Variants in MYL5 observed in about 807,000 individuals in gnomAD.
MYL5 encodes myosin light chain 5, also known as myosin regulatory light chain 5.
Under a neutral mutation model 20.8 loss-of-function variants are expected in MYL5, and 28 were observed. That is an observed-to-expected ratio of 1.35 (90% CI 1.00 to 1.84). The LOEUF is 1.84. Among genes scored for constraint, MYL5 ranks in the 40% most tolerant of loss-of-function variants. The pLI is 0.00. For synonymous variants in MYL5, 118 were observed against 87.4 expected (o/e 1.35, Z -1.95); for missense variants, 274 against 227.3 (o/e 1.21, Z -1.32).
chr4:678,004 C>T (rs977122494), exon 1 of MYL5: 7 of 1,613,444 alleles, frequency 4.3e-6, no homozygotes, highest in African/African-American at 2.7e-5. Flanking sequence ...TGGGCAGACG[C>T]ATCAAAGCAG....
chr4:681,770 C>G lies in MYL5; in HGVS notation c.421-123C>G, dbSNP rs1183166351. 1.5e-5 allele frequency: 18 copies of G among 1,208,986 alleles called. No homozygotes were observed. In the Admixed American group the frequency reaches 2.7e-4, roughly 18 times the overall value. 74.9% of individuals were successfully genotyped at this position (1,208,986 alleles called of 1,614,324 possible). On this transcript the variant is annotated intron_variant, in intron 6 of 6. Coordinates refer to ENST00000400159, the Ensembl canonical transcript of MYL5. ...GCCCCCTCCAGCGCCGCCCTCACCCCGCACCCGGGCCCCTCCCCGCTCCCC... is the reference window on the plus strand; with the variant it reads ...GCCCCCTCCAGCGCCGCCCTCACCCGGCACCCGGGCCCCTCCCCGCTCCCC...
At chr4:680,553 G>C (rs1475410723) in exon 5 of MYL5, 2 of 1,613,582 alleles carry the variant, frequency 1.2e-6, no homozygotes, top group African/African-American at 1.3e-5. Context: ...CAAGATGCTG[G>C]ACCCGGACGG....
rs72613110 is a variant in MYL5 at position 678,328 on chromosome 4, G to T, written c.3+299G>T. On this transcript the variant is annotated intron_variant, in intron 1 of 6. Coordinates refer to ENST00000400159, the Ensembl canonical transcript of MYL5. ...CACAAAATCCCGGTACCCAGAACAAGCCCACCCAGAGTCCACTTGCCCCTC... is the reference window on the plus strand; with the variant it reads ...CACAAAATCCCGGTACCCAGAACAATCCCACCCAGAGTCCACTTGCCCCTC... 27,496 of 1,420,956 alleles carry T rather than the reference G, an allele frequency of 0.019. 1,506 individuals carry two copies. In the East Asian group the frequency reaches 0.23, roughly 12 times the overall value. 88.0% of individuals were successfully genotyped at this position (1,420,956 alleles called of 1,614,324 possible). A position where few individuals can be genotyped will look rare whatever the true frequency, so the allele number is the denominator to read the frequency against.
At chr4:680,953 C>A in intron 5 of MYL5, 139 bp from the exon 8 acceptor site, 1 of 975,952 alleles carries the variant, frequency 1.0e-6, no homozygotes. Flanking sequence ...AAGGGACCTG[C>A]CCCAGGGCCA....
upstream of MYL5, chr4:674,557 T>A: frequency 2.2e-6 from 1 of 460,888 alleles, no homozygotes; most frequent in Non-Finnish European, 3.9e-6. Flanking sequence ...CCCGCAGGGC[T>A]GGGGGTCCGC....
At chr4:678,326 A>G in intron 1 of MYL5, 1 of 1,420,724 alleles carries the variant, frequency 7.0e-7, no homozygotes. Context: ...TACCCAGAAC[A>G]AGCCCACCCA....
At chr4:676,970 A>G (rs2109320025), upstream of MYL5, 1 of 975,468 alleles carries the variant, frequency 1.0e-6, no homozygotes, top group Non-Finnish European at 1.2e-6. Flanking sequence ...TGTGTCCCTC[A>G]GGGGGTAGGA....
At chr4:681,406 GCGGGGCTCACAGCTGTGCGGTC>G (rs1248887396) in intron 6 of MYL5, among the ~76,000 whole-genome samples, 3 of 152,030 alleles carry the variant, frequency 2.0e-5, no homozygotes, top group African/African-American at 7.2e-5. Context: ...AGCCGGAGGG[GCGGGGCTCACAGCTGTGCGGTC>G]CGGAGCCGCC....
chr4:681,240 G>C, intron 6 of MYL5, 100 bp downstream of exon 8: 1 of 1,428,494 alleles, frequency 7.0e-7, no homozygotes, highest in Non-Finnish European at 9.5e-7. Flanking sequence ...GCAGCGCCGC[G>C]GTTAGGACCC....
intron 5 of MYL5, chr4:680,802 G>A (rs944827617): frequency 4.7e-6 from 3 of 640,436 alleles, no homozygotes; most frequent in African/African-American, 1.8e-5. Context: ...GGGGTGGGGC[G>A]GCTTCCCCTC....
At chr4:681,749 C>T (rs1013192335) in intron 6 of MYL5, 144 bp from the exon 9 acceptor site, 2 of 1,031,530 alleles carry the variant, frequency 1.9e-6, no homozygotes, top group African/African-American at 3.7e-5. Context: ...CGCCCCGCCC[C>T]CTCCAGCGCC....
chr4:676,483 C>T (rs1489486198), upstream of MYL5: 1 of 152,236 alleles, frequency 6.6e-6, no homozygotes, highest in Non-Finnish European at 1.5e-5. Context: ...ACGGGTCCCA[C>T]CTGGCTCAGC....
At chr4:681,387 G>A (rs1739495080) in intron 6 of MYL5, among the ~76,000 whole-genome samples, 1 of 151,834 alleles carries the variant, frequency 6.6e-6, no homozygotes, top group African/African-American at 2.4e-5. Flanking sequence ...CGGCCTGAGC[G>A]TCTGTCCCAG....
Position 678,041 on chromosome 4 carries a change from G to T in MYL5, c.3+12G>T, listed in dbSNP as rs368566355. On this transcript the variant is annotated intron_variant, in intron 1 of 6. Coordinates refer to ENST00000400159, the Ensembl canonical transcript of MYL5. ...CAGAAGCAGGCATGGTGAGCAGGCC[G>T]CCGTGCATGCCTGGGGCAGGCGTGT... 9.1e-5 allele frequency: 147 copies of T among 1,613,064 alleles called. No individual in the cohort carries two copies. Among genetic ancestry groups the T allele is most frequent in the Non-Finnish European group, 1.2e-4 (145 of 1,179,884 alleles).
chr4:678,799 C>G, intron 2 of MYL5, 34 bp downstream of exon 4: 1 of 1,607,884 alleles, frequency 6.2e-7, no homozygotes, highest in Non-Finnish European at 8.5e-7. Flanking sequence ...GAGCCCCCAC[C>G]CCCAGGAGCC....
intron 6 of MYL5, 59 bp from the exon 9 acceptor site, chr4:681,834 G>C (rs933358004): frequency 1.0e-5 from 13 of 1,286,556 alleles, no homozygotes; most frequent in Middle Eastern, 2.9e-4. Flanking sequence ...GCCGCTGCAG[G>C]TGCGCGCTTG....
upstream of MYL5, chr4:674,612 C>A (rs1738708752): frequency 2.8e-6 from 1 of 357,058 alleles, no homozygotes; most frequent in Non-Finnish European, 5.2e-6. Context: ...CGCGTCCTGG[C>A]CGTGTGTCCA....
rs542598674 is a variant in MYL5, at chr4:678,874, C to A, written c.112-84C>A. On this transcript the variant is annotated intron_variant, in intron 2 of 6. Transcript: ENST00000400159. ...GCAGGAGTGGAAGCCTATCCTCAGTCAGGGGTGCTGAGGAACCGGGAGCAG... is the reference window on the plus strand; with the variant it reads ...GCAGGAGTGGAAGCCTATCCTCAGTAAGGGGTGCTGAGGAACCGGGAGCAG... 2.5e-6 allele frequency: 4 copies of A among 1,606,542 alleles called. No homozygotes were observed. The East Asian group carries it at 8.9e-5, about 36-fold the overall frequency.
exon 2 of MYL5, chr4:678,678 G>A (rs752011429): frequency 6.2e-6 from 10 of 1,610,432 alleles, no homozygotes; most frequent in Admixed American, 5.0e-5. Flanking sequence ...AGACCAAGAA[G>A]AAGGAAGGGG....
Sources: gnomAD v4.1 joint callset for allele counts (sites outside exome capture counted in the v4.1 genomes callset) on GRCh38, gnomAD v4.1.1 for gene constraint, MANE v1.5 for transcripts, NCBI Gene and HGNC (gene_info 2026-07-23, HGNC 2026-07-21) for gene names.